Variants in PUS3 observed in about 807,000 individuals in gnomAD.
PUS3 encodes pseudouridine synthase 3.
A neutral mutation model predicts 43.3 loss-of-function variants in PUS3; 36 were observed. The ratio of observed to expected loss-of-function variants is 0.83; its 90% CI spans 0.64 to 1.10. PUS3 has a LOEUF of 1.10. Ranked by LOEUF, PUS3 falls within the 50% of genes least tolerant of loss-of-function variation. PUS3 has a pLI of 0.00. For synonymous variants in PUS3, 183 were observed against 199.2 expected (o/e 0.92, Z 0.69); for missense variants, 544 against 589.9 (o/e 0.92, Z 0.81).
At chr11:125,902,766 G>A (rs1225225469) in intron 1 of PUS3, among the ~76,000 whole-genome samples, 1 of 152,066 alleles carries the variant, frequency 6.6e-6, no homozygotes, top group Admixed American at 6.5e-5. Flanking sequence ...TGGTCTGTAT[G>A]TAAGGCAATC....
chr11:125,895,051 CT>C (rs11384524), intron 3 of PUS3, among the ~76,000 whole-genome samples, 172 bp downstream of exon 3: 1,592 of 141,676 alleles, frequency 0.011, 5 homozygotes, highest in African/African-American at 0.025. Flanking sequence ...TATGCTATTT[CT>C]TTTTTTTTTT....
In PUS3 at chr11:125,894,061, A is replaced by G. The variant is rs775075687; in HGVS notation, c.1170T>C (p.Asn390=). The change falls in exon 4 of 4, where the codon AAT becomes AAC. Residue 390 remains asparagine, a synonymous_variant. Transcript: ENST00000227474. ...TCTGCTTTATGACAGAGGGCTTAAC[A>G]TTTCCCCATTCTGTCATTCCATCCA... ...PKMDGMTEWG[N]VKPSVIKQTS... is the part of the protein sequence containing the mutation. 5.6e-6 allele frequency: 9 copies of G among 1,614,120 alleles called. No individual in the cohort carries two copies. In the South Asian group the frequency reaches 7.7e-5, roughly 14 times the overall value.
Position 125,894,194 on chromosome 11 carries a change from G to A in PUS3, c.1037C>T (p.Thr346Ile). Residue 346 changes from threonine to isoleucine, a missense_variant, in exon 4 of 4, where the codon ACC (threonine) becomes ATC (isoleucine). By Grantham distance (89) the Thr-to-Ile change is moderately conservative. Coordinates refer to ENST00000227474, the MANE Select transcript of PUS3 (RefSeq NM_031307.4). ...ATTAGCCCACAGTTGTTGTAGGTGG[G>A]TAATATTGAACTCCTGAGCCTCCTG... ...YDQEAQEFNI[T>I]HLQQLWANHA... The A allele has an allele frequency of 3.7e-6, 6 of 1,613,998 alleles. No homozygotes were observed. The highest frequency in any genetic ancestry group is 5.1e-6 in the Non-Finnish European group (6 of 1,179,950).
chr11:125,894,747 TA>T (rs1565452538), intron 3 of PUS3, among the ~76,000 whole-genome samples: 1 of 152,190 alleles, frequency 6.6e-6, no homozygotes, highest in Non-Finnish European at 1.5e-5. Flanking sequence ...CTCAGTGATA[TA>T]AAACAAGCAA....
At chr11:125,896,533 GTT>G (rs1179123372) in intron 1 of PUS3, among the ~76,000 whole-genome samples, 1 of 152,180 alleles carries the variant, frequency 6.6e-6, no homozygotes, top group African/African-American at 2.4e-5. Context: ...GGAAAGAACT[GTT>G]TGTTATTCAG....
intron 1 of PUS3, chr11:125,900,717 A>C: frequency 4.9e-6 from 1 of 206,146 alleles, no homozygotes; most frequent in South Asian, 8.0e-5. Flanking sequence ...TGAGAGCTCA[A>C]AAGAAGGAAC....
At chr11:125,895,171 C>G in intron 3 of PUS3, 53 bp downstream of exon 3, 1 of 1,439,920 alleles carries the variant, frequency 6.9e-7, no homozygotes. Context: ...CTCAAGCGTC[C>G]CGAGTAGCTG....
Position 125,900,045 on chromosome 11 carries a change from T to A in PUS3, c.-47+3125A>T. On this transcript the variant is annotated intron_variant, in intron 1 of 3. Transcript: ENST00000227474. ...GAGTACAAACGGGACTGGGACTCAA[T>A]ACGTTTACCTGGTGAAGATCATAGA... 6.2e-7 allele frequency: 1 copy of A among 1,614,192 alleles called. No individual in the cohort carries two copies. Among genetic ancestry groups the A allele is most frequent in the Non-Finnish European group, 8.5e-7 (1 of 1,180,030 alleles).
At chr11:125,900,532 G>A in intron 1 of PUS3, 1 of 460,174 alleles carries the variant, frequency 2.2e-6, no homozygotes, top group Non-Finnish European at 4.1e-6. Context: ...AATTAGTAAG[G>A]GCCCTTTGTG....
Position 125,895,576 on chromosome 11 carries a change from A to C in PUS3, c.592T>G (p.Phe198Val). Residue 198 changes from phenylalanine (F) to valine (V), a missense_variant, in exon 3 of 4, where the codon TTT becomes GTT. Phe to Val is a conservative substitution (Grantham distance 50). Coordinates refer to ENST00000227474, the MANE Select transcript of PUS3 (RefSeq NM_031307.4). ...ATATCTAAATCAGCACGAGGGAAAA[A>C]ATAGCGGTAAGTCCGCTCAAGGCAG... ...FSCLERTYRY[F>V]FPRADLDIVT... 20 of 1,614,248 alleles carry C rather than the reference A, an allele frequency of 1.2e-5. No homozygotes were observed. The highest frequency in any genetic ancestry group is 3.3e-4 in the Middle Eastern group (2 of 6,062).
chr11:125,896,438 T>G, intron 1 of PUS3, 108 bp from the exon 2 acceptor site: 2 of 781,974 alleles, frequency 2.6e-6, no homozygotes, highest in Non-Finnish European at 4.0e-6. Context: ...CTTTTGCTTT[T>G]CCAGGAATAC....
At chr11:125,897,758 G>A (rs1944632522) in intron 1 of PUS3, among the ~76,000 whole-genome samples, 1 of 152,136 alleles carries the variant, frequency 6.6e-6, no homozygotes, top group South Asian at 2.1e-4. Flanking sequence ...ATTAATGTAT[G>A]GTCAGTACAG....
chr11:125,895,758 G>A lies in PUS3; in HGVS notation c.410C>T (p.Pro137Leu). ...AAAGTCCTCGGAATCCCTGCCCCTTGGAAACTGAGAGCGAAGGTCAAGTGA... is the reference window on the plus strand; with the variant it reads ...AAAGTCCTCGGAATCCCTGCCCCTTAGAAACTGAGAGCGAAGGTCAAGTGA... ...VISLDLRSQF[P>L]RGRDSEDFNV... Residue 137 changes from proline to leucine, a missense_variant, in exon 3 of 4, where the codon CCA (proline) becomes CTA (leucine). Physicochemically the swap from Pro to Leu is moderately conservative, Grantham distance 98 (BLOSUM62 -3). Coordinates refer to ENST00000227474, the MANE Select transcript of PUS3 (RefSeq NM_031307.4). 1 of 1,606,648 alleles carries A rather than the reference G, an allele frequency of 6.2e-7. No homozygotes were observed. Among genetic ancestry groups the A allele is most frequent in the Non-Finnish European group, 8.5e-7 (1 of 1,178,106 alleles).
chr11:125,900,243 T>C, intron 1 of PUS3: 1 of 1,614,224 alleles, frequency 6.2e-7, no homozygotes, highest in Non-Finnish European at 8.5e-7. Flanking sequence ...CCCAGGAAGC[T>C]TCCCTTCCCT....
chr11:125,900,710 G>C (rs566020), intron 1 of PUS3: 131,064 of 211,792 alleles, frequency 0.62, 40,891 homozygotes, highest in South Asian at 0.72. Context: ...GCTATGATGA[G>C]AGCTCAAAAG....
chr11:125,898,785 A>T (rs1246849380), intron 1 of PUS3, among the ~76,000 whole-genome samples: 1 of 152,022 alleles, frequency 6.6e-6, no homozygotes, highest in African/African-American at 2.4e-5. Flanking sequence ...TTTAGATCAA[A>T]TCACTCTTTT....
At chr11:125,899,595 A>G (rs1591507330) in intron 1 of PUS3, 3 of 1,614,164 alleles carry the variant, frequency 1.9e-6, no homozygotes, top group Admixed American at 1.7e-5. Context: ...GTAGAAAGTA[A>G]TGTCCCTTCA....
At chr11:125,903,145 C>T in intron 1 of PUS3, 25 bp downstream of exon 1, 6 of 979,746 alleles carry the variant, frequency 6.1e-6, no homozygotes, top group Non-Finnish European at 7.3e-6. Context: ...CAGAAAGTAA[C>T]CCACTCCAAA....
chr11:125,893,879 C>G lies in PUS3; in HGVS notation c.1352G>C (p.Arg451Thr). 6.2e-7 allele frequency: 1 copy of G among 1,614,094 alleles called. No individual in the cohort carries two copies. The highest frequency in any genetic ancestry group is 8.5e-7 in the Non-Finnish European group (1 of 1,180,032). ...LFHEEETKAKRDCNDTLEEEN... is the reference protein window; with the variant it reads ...LFHEEETKAKTDCNDTLEEEN... The stretch of plus-strand genomic sequence containing the variant: ...TTCCTCTAGTGTGTCATTACAGTCC[C>G]TTTTGGCTTTTGTTTCTTCCTCATG... Residue 451 changes from arginine to threonine, a missense_variant, in exon 4 of 4, where the codon AGG becomes ACG. Physicochemically the swap from Arg to Thr is moderately conservative, Grantham distance 71. Transcript: ENST00000227474.
Sources: allele counts gnomAD v4.1 joint callset (sites outside exome capture counted in the v4.1 genomes callset), GRCh38; gene constraint gnomAD v4.1.1; transcripts MANE v1.5; gene names NCBI Gene and HGNC (gene_info 2026-07-23, HGNC 2026-07-21).